Variants in ADGRV1 observed in about 807,000 individuals in gnomAD.
ADGRV1 encodes adhesion G protein-coupled receptor V1, also known as G-protein coupled receptor 98.
In ADGRV1, 359 loss-of-function variants were observed where a neutral mutation model predicts 596.2. The ratio of observed to expected loss-of-function variants is 0.60; its 90% CI spans 0.55 to 0.66. The LOEUF is 0.66. Among genes scored for constraint, ADGRV1 ranks in the 30% least tolerant of loss-of-function variants. ADGRV1 has a pLI of 0.00. For missense variants in ADGRV1, 7,274 were observed against 7,575.6 expected (o/e 0.96, Z 1.48); for synonymous variants, 2,681 against 2,679.2 (o/e 1.00, Z -0.02).
At chr5:90,785,810 A>G (rs755018583) in intron 67 of ADGRV1, among the ~76,000 whole-genome samples, 13 of 152,240 alleles carry the variant, frequency 8.5e-5, no homozygotes, top group Admixed American at 4.6e-4. Context: ...GTAGGAGTGT[A>G]AATGAGTTCA....
At chr5:91,111,303 A>G (rs898286766) in intron 87 of ADGRV1, among the ~76,000 whole-genome samples, 1 of 152,086 alleles carries the variant, frequency 6.6e-6, no homozygotes, top group Non-Finnish European at 1.5e-5. Context: ...TCGTTGCTAT[A>G]TGTTGAATTT....
chr5:90,965,319 CTG>C, intron 83 of ADGRV1, 94 bp from the exon 84 acceptor site: 1 of 759,078 alleles, frequency 1.3e-6, no homozygotes, highest in South Asian at 1.5e-5. Flanking sequence ...CATGGAATCA[CTG>C]AGTCATAGAT....
intron 83 of ADGRV1, among the ~76,000 whole-genome samples, chr5:90,922,471 C>T (rs545294052): frequency 1.8e-4 from 28 of 152,234 alleles, no homozygotes; most frequent in African/African-American, 5.5e-4. Context: ...ACACATTTGC[C>T]GGCTCACTGT....
intron 1 of ADGRV1, among the ~76,000 whole-genome samples, chr5:90,598,056 A>G (rs1182593886): frequency 6.6e-6 from 1 of 152,206 alleles, no homozygotes; most frequent in Non-Finnish European, 1.5e-5. Flanking sequence ...ATTTTCAGTA[A>G]CTATTCACGC....
intron 83 of ADGRV1, among the ~76,000 whole-genome samples, chr5:90,913,642 TC>T (rs200062696): frequency 0.017 from 2,557 of 152,284 alleles, 81 homozygotes; most frequent in African/African-American, 0.058. Context: ...CTAAATATCT[TC>T]CATTTAAAGT....
intron 74 of ADGRV1, among the ~76,000 whole-genome samples, chr5:90,813,128 G>A (rs1383847251): frequency 2.7e-4 from 2 of 7,402 alleles, no homozygotes; most frequent in Non-Finnish European, 1.5e-3. Flanking sequence ...GTAAGACTCC[G>A]TCTCAAAAAA....
At chr5:90,863,140 GA>G (rs1206290343) in intron 82 of ADGRV1, among the ~76,000 whole-genome samples, 1 of 152,100 alleles carries the variant, frequency 6.6e-6, no homozygotes, top group Non-Finnish European at 1.5e-5. Context: ...TTAAAAGGCA[GA>G]AAATATTTTT....
chr5:90,930,088 T>C (rs924167888), intron 83 of ADGRV1, among the ~76,000 whole-genome samples: 1 of 152,208 alleles, frequency 6.6e-6, no homozygotes, highest in Non-Finnish European at 1.5e-5. Flanking sequence ...TTTTTGTTGT[T>C]TCTTTTTAAA....
At chr5:90,602,533 A>G (rs1761542078) in intron 1 of ADGRV1, among the ~76,000 whole-genome samples, 1 of 152,194 alleles carries the variant, frequency 6.6e-6, no homozygotes. Context: ...TCTAATCATG[A>G]GAAAGTTATC....
At chr5:90,924,723 A>G (rs1311447364) in intron 83 of ADGRV1, among the ~76,000 whole-genome samples, 4 of 152,140 alleles carry the variant, frequency 2.6e-5, no homozygotes, top group African/African-American at 9.7e-5. Flanking sequence ...TGTGTCCTGA[A>G]TGGTAATGCC....
At chr5:90,924,576 G>A (rs1292945848) in intron 83 of ADGRV1, among the ~76,000 whole-genome samples, 1 of 149,748 alleles carries the variant, frequency 6.7e-6, no homozygotes. Context: ...CTCCCATTTT[G>A]TAGGTTGCCT....
intron 50 of ADGRV1, among the ~76,000 whole-genome samples, chr5:90,730,674 G>A (rs1376160336): frequency 6.6e-6 from 1 of 152,274 alleles, no homozygotes; most frequent in South Asian, 2.1e-4. Context: ...TTTAGGGTTG[G>A]CAAGGAATCC....
At chr5:91,081,110 C>T (rs915926854) in intron 86 of ADGRV1, among the ~76,000 whole-genome samples, 4 of 152,080 alleles carry the variant, frequency 2.6e-5, no homozygotes, top group Non-Finnish European at 5.9e-5. Context: ...CAGGTCCTGG[C>T]GAGGCTTGCA....
At chr5:90,697,428 T>C (rs1747335886) in intron 34 of ADGRV1, among the ~76,000 whole-genome samples, 2 of 150,810 alleles carry the variant, frequency 1.3e-5, no homozygotes, top group Admixed American at 1.3e-4. Context: ...TGTTAAATGA[T>C]TCAAAATATT....
intron 84 of ADGRV1, among the ~76,000 whole-genome samples, chr5:90,970,478 A>AG (rs374380566): frequency 1.3e-5 from 2 of 151,892 alleles, no homozygotes; most frequent in African/African-American, 4.8e-5. Context: ...ATCCCCCAGT[A>AG]GGGGCAGACT....
chr5:91,116,467 C>T (rs1388332165), intron 87 of ADGRV1, among the ~76,000 whole-genome samples: 1 of 152,178 alleles, frequency 6.6e-6, no homozygotes. Flanking sequence ...TTTCTCTTGT[C>T]CCTAATATGA....
intron 70 of ADGRV1, among the ~76,000 whole-genome samples, chr5:90,796,579 C>T (rs1238954910): frequency 1.3e-5 from 2 of 152,178 alleles, no homozygotes; most frequent in Non-Finnish European, 2.9e-5. Context: ...GCTTCCCCAA[C>T]CTAGCAAGAC....
In ADGRV1 at chr5:90,689,896, T is replaced by A. The variant is rs772875455; in HGVS notation, c.6526T>A (p.Leu2176Met). 2 of 1,613,258 alleles carry A rather than the reference T, an allele frequency of 1.2e-6. No individual in the cohort carries two copies. Among genetic ancestry groups the A allele is most frequent in the South Asian group, 2.2e-5 (2 of 90,982 alleles). Residue 2176 changes from leucine to methionine, a missense_variant, in exon 30 of 90, where the codon TTG becomes ATG. Coordinates refer to ENST00000405460, the MANE Select transcript of ADGRV1 (RefSeq NM_032119.4). The stretch of plus-strand genomic sequence containing the variant: ...TAGTATAGCTTCATCAGATGTGGTC[T>A]TGCTAGAAGGGGAAACCAGTAAAGC... ...DYSIASSDVVLLEGETSKAVP... is the reference protein window; with the variant it reads ...DYSIASSDVVMLEGETSKAVP...
chr5:90,653,003 T>G (rs1219882908), intron 19 of ADGRV1, among the ~76,000 whole-genome samples: 1 of 152,214 alleles, frequency 6.6e-6, no homozygotes, highest in Non-Finnish European at 1.5e-5. Flanking sequence ...GCTTGACTGA[T>G]TATCAATAAA....
Sources: gnomAD v4.1 joint callset for allele counts (sites outside exome capture counted in the v4.1 genomes callset) on GRCh38, gnomAD v4.1.1 for gene constraint, MANE v1.5 for transcripts, NCBI Gene and HGNC (gene_info 2026-07-23, HGNC 2026-07-21) for gene names.